Variants in PTPRN2 observed in about 807,000 individuals in gnomAD.
The protein encoded by PTPRN2 is receptor-type tyrosine-protein phosphatase N2.
A neutral mutation model predicts 118.8 loss-of-function variants in PTPRN2; 74 were observed. The ratio of observed to expected loss-of-function variants is 0.62; its 90% CI spans 0.52 to 0.76. PTPRN2 has a LOEUF of 0.76. Ranked by LOEUF, PTPRN2 falls within the 30% of genes least tolerant of loss-of-function variation. PTPRN2 has a pLI of 0.00. For missense variants in PTPRN2, 1,481 were observed against 1,394.4 expected (o/e 1.06, Z -0.99); for synonymous variants, 641 against 608.0 (o/e 1.05, Z -0.80).
intron 12 of PTPRN2, among the ~76,000 whole-genome samples, chr7:157,851,685 T>A (rs892376480): frequency 6.6e-6 from 1 of 152,166 alleles, no homozygotes; most frequent in African/African-American, 2.4e-5. Context: ...CTCTCCACAT[T>A]TGAAACCCTA....
At chr7:158,334,636 C>A (rs1221359847) in intron 2 of PTPRN2, among the ~76,000 whole-genome samples, 1 of 100,658 alleles carries the variant, frequency 9.9e-6, no homozygotes, top group South Asian at 4.2e-4. Flanking sequence ...GTCACTCACA[C>A]CCACACTCTC....
chr7:158,042,554 G>A lies in PTPRN2; in HGVS notation c.1723+38744C>T, dbSNP rs114657179. Among the ~76,000 whole-genome samples, 1,249 of 152,284 alleles carry A rather than the reference G, an allele frequency of 8.2e-3. 11 individuals carry two copies. The highest frequency in any genetic ancestry group is 0.024 in the African/African-American group (995 of 41,554). ...TATAACATTTCCATTTACTTTCCCC[G>A]CACTTAACATCTTCGCAGTATCCCG... On this transcript the variant is annotated intron_variant, in intron 11 of 22. Transcript: ENST00000389418.
intron 11 of PTPRN2, among the ~76,000 whole-genome samples, chr7:157,966,386 AT>A (rs1391868298): frequency 6.6e-6 from 1 of 151,896 alleles, no homozygotes; most frequent in Non-Finnish European, 1.5e-5. Context: ...CATTACCATC[AT>A]CTTCATCACT....
At chr7:158,153,208 T>A (rs1172841513) in intron 6 of PTPRN2, among the ~76,000 whole-genome samples, 1 of 152,206 alleles carries the variant, frequency 6.6e-6, no homozygotes, top group Non-Finnish European at 1.5e-5. Flanking sequence ...ATCATCTCCC[T>A]TCTGGCTCCC....
intron 11 of PTPRN2, among the ~76,000 whole-genome samples, chr7:157,960,434 C>T (rs1801451435): frequency 6.6e-6 from 1 of 152,052 alleles, no homozygotes; most frequent in Non-Finnish European, 1.5e-5. Context: ...TAAAACCTTT[C>T]TGAAAAAGGA....
intron 20 of PTPRN2, 105 bp downstream of exon 20, chr7:157,571,335 A>G: frequency 1.1e-6 from 1 of 877,670 alleles, no homozygotes; most frequent in Non-Finnish European, 1.8e-6. Context: ...AGTGCCAGTT[A>G]GTTATATTTA....
chr7:158,142,946 G>C (rs941110979), intron 6 of PTPRN2, among the ~76,000 whole-genome samples: 1 of 152,090 alleles, frequency 6.6e-6, no homozygotes, highest in African/African-American at 2.4e-5. Context: ...ACAGCCCTCG[G>C]TGCTGTTTTG....
In PTPRN2 at chr7:158,138,368, C is replaced by G; in HGVS notation, c.1058G>C (p.Gly353Ala). The G allele has an allele frequency of 6.2e-7, 1 of 1,613,862 alleles. No homozygotes were observed. Among genetic ancestry groups the G allele is most frequent in the Non-Finnish European group, 8.5e-7 (1 of 1,180,036 alleles). Residue 353 changes from glycine to alanine, a missense_variant, in exon 7 of 23, where the codon GGG (glycine) becomes GCG (alanine). Gly to Ala is a moderately conservative substitution (Grantham distance 60). Transcript: ENST00000389418. Reference sequence around the variant, plus strand: ...TCCAGACTCTCCCAGGGCCGCTCTCCCAGGGCTGCCTCGAGCTACTCCATG... The same window carrying G: ...TCCAGACTCTCCCAGGGCCGCTCTCGCAGGGCTGCCTCGAGCTACTCCATG... ...VDHGVARGSP[G>A]RAALGESGEQ... is the part of the protein sequence containing the mutation.
At chr7:157,943,035 C>T (rs908502800) in intron 11 of PTPRN2, among the ~76,000 whole-genome samples, 4 of 152,162 alleles carry the variant, frequency 2.6e-5, no homozygotes, top group Non-Finnish European at 5.9e-5. Context: ...GCAGGAGGGC[C>T]GGGCCTGGTG....
chr7:158,580,042 T>C (rs1828542872), intron 1 of PTPRN2, among the ~76,000 whole-genome samples: 1 of 152,218 alleles, frequency 6.6e-6, no homozygotes, highest in African/African-American at 2.4e-5. Context: ...GTAAAAGAGA[T>C]GTGAGGGACA....
chr7:157,622,546 C>T lies in PTPRN2; in HGVS notation c.2197-1037G>A, dbSNP rs776773801. 3.3e-5 allele frequency among the ~76,000 whole-genome samples: 5 copies of T among 152,042 alleles called. No individual in the cohort carries two copies. Among genetic ancestry groups the T allele is most frequent in the East Asian group, 1.9e-4 (1 of 5,160 alleles). On this transcript the variant is annotated intron_variant, in intron 14 of 22. Transcript: ENST00000389418. The surrounding 1 kb of genome is among the most constrained non-coding windows in gnomAD (Gnocchi z 5.3). The stretch of plus-strand genomic sequence containing the variant: ...CAGAGGGAGGGAGGGCTGGACACGG[C>T]GAGGCGGGAATCTCAGGTCATCGTG...
intron 2 of PTPRN2, among the ~76,000 whole-genome samples, chr7:158,453,039 TA>T (rs1759258932): frequency 6.6e-6 from 1 of 152,156 alleles, no homozygotes; most frequent in South Asian, 2.1e-4. Flanking sequence ...GTGTGAAAAC[TA>T]AATGTTGGCT....
intron 11 of PTPRN2, among the ~76,000 whole-genome samples, chr7:158,057,223 C>T (rs1809860505): frequency 6.6e-6 from 1 of 152,166 alleles, no homozygotes; most frequent in Non-Finnish European, 1.5e-5. Context: ...CTATTGACAC[C>T]TGCCCAGCAC....
At chr7:158,062,861 A>G (rs1810458670) in intron 11 of PTPRN2, among the ~76,000 whole-genome samples, 1 of 152,108 alleles carries the variant, frequency 6.6e-6, no homozygotes, top group African/African-American at 2.4e-5. Flanking sequence ...CCCCTTCGCC[A>G]TGGGCTCCTG....
intron 12 of PTPRN2, among the ~76,000 whole-genome samples, chr7:157,708,124 A>G (rs989318991): frequency 6.6e-6 from 1 of 152,348 alleles, no homozygotes; most frequent in Admixed American, 6.5e-5. Context: ...GTGGCCTTCC[A>G]GGGCTGAGGC....
rs901787535 is a variant in PTPRN2, at chr7:157,944,706, G to A, written c.1724-45969C>T. On this transcript the variant is annotated intron_variant, in intron 11 of 22. Transcript: ENST00000389418. The surrounding 1 kb of genome is among the most constrained non-coding windows in gnomAD (Gnocchi z 4.3). ...AGTTGTTTTTAGTCACCAGGCCAGT[G>A]ACCACTGTCCAGCAGGTCCACGTGC... Among the ~76,000 whole-genome samples, 1 of 152,206 alleles carries A rather than the reference G, an allele frequency of 6.6e-6. No individual in the cohort carries two copies. Among genetic ancestry groups the A allele is most frequent in the Non-Finnish European group, 1.5e-5 (1 of 68,048 alleles).
intron 3 of PTPRN2, among the ~76,000 whole-genome samples, chr7:158,229,932 G>C (rs1016249964): frequency 6.6e-6 from 1 of 151,082 alleles, no homozygotes; most frequent in Non-Finnish European, 1.5e-5. Context: ...TAAGACTACT[G>C]TAAGGCATAT....
rs1382783480 is a variant in PTPRN2, at chr7:158,361,165, ACCCTCACCCAGGATGATGCGCAGAC to A, written c.164-44258_164-44234del. Among the ~76,000 whole-genome samples the A allele has an allele frequency of 2.1e-3, 17 of 8,214 alleles. 4 individuals are homozygous for A. Among genetic ancestry groups the A allele is most frequent in the African/African-American group, 7.6e-3 (4 of 528 alleles). The allele number at this position is 8,214 out of a possible 152,430, so 5.4% of individuals were successfully genotyped here. ...GGGGTGACCCACAGACCCTGCATCCACCCTCACCCAGGATGATGCGCAGACCCCACACCCTGGCAACCCACAGACC... is the reference window on the plus strand; with the variant it reads ...GGGGTGACCCACAGACCCTGCATCCACCCACACCCTGGCAACCCACAGACC... On this transcript the variant is annotated intron_variant, in intron 2 of 22. Transcript: ENST00000389418.
intron 3 of PTPRN2, among the ~76,000 whole-genome samples, chr7:158,252,070 C>A (rs562125293): frequency 7.9e-5 from 12 of 152,300 alleles, no homozygotes; most frequent in African/African-American, 2.9e-4. Flanking sequence ...ACCAGAAACA[C>A]AAAGTTGGTC....
Sources: allele counts gnomAD v4.1 joint callset (sites outside exome capture counted in the v4.1 genomes callset), GRCh38; gene constraint gnomAD v4.1.1; non-coding constraint Gnocchi (gnomAD v3.1); transcripts MANE v1.5; gene names NCBI Gene and HGNC (gene_info 2026-07-23, HGNC 2026-07-21).